The following MPP7 variants were observed in gnomAD, a reference collection of about 807,000 sequenced individuals.
The protein encoded by MPP7 is MAGUK p55 scaffold protein 7, also known as MAGUK p55 subfamily member 7.
Under a neutral mutation model 76.5 loss-of-function variants are expected in MPP7, and 60 were observed. The observed-to-expected ratio is 0.78, with a 90% CI of 0.64 to 0.97. MPP7 has a LOEUF of 0.97. Ranked by LOEUF, MPP7 falls within the 50% of genes least tolerant of loss-of-function variation. MPP7 has a pLI of 0.00. For synonymous variants in MPP7, 237 were observed against 244.5 expected, an observed-to-expected ratio of 0.97 and a Z score of 0.29; for missense variants, 641 against 694.0, an observed-to-expected ratio of 0.92 and a Z score of 0.86.
At chr10:28,121,081 G>A (rs916961633) in intron 8 of MPP7, among the ~76,000 whole-genome samples, 5 of 152,026 alleles carry the variant, frequency 3.3e-5, no homozygotes, top group African/African-American at 1.2e-4. Context: ...AGGCAAGGTG[G>A]CAGGATCACC....
At chr10:28,158,340 A>G (rs897467064) in intron 3 of MPP7, among the ~76,000 whole-genome samples, 9 of 152,198 alleles carry the variant, frequency 5.9e-5, no homozygotes, top group African/African-American at 2.2e-4. Context: ...TGAAATTTAT[A>G]TATGAAATAT....
intron 11 of MPP7, among the ~76,000 whole-genome samples, chr10:28,097,242 A>G (rs1258798103): frequency 1.3e-5 from 2 of 152,128 alleles, no homozygotes; most frequent in Non-Finnish European, 2.9e-5. Flanking sequence ...TCAGCCTCCC[A>G]AAGTACTAGG....
chr10:28,283,945 A>G (rs1840738889), intron 1 of MPP7, among the ~76,000 whole-genome samples: 1 of 152,234 alleles, frequency 6.6e-6, no homozygotes, highest in African/African-American at 2.4e-5. Flanking sequence ...ATAAGACTAA[A>G]TTTAAATACC....
At chr10:28,221,316 AT>A (rs1297736811) in intron 2 of MPP7, among the ~76,000 whole-genome samples, 2 of 152,114 alleles carry the variant, frequency 1.3e-5, no homozygotes, top group East Asian at 1.9e-4. Context: ...AACAGGTGAC[AT>A]TTTTTTTAGC....
intron 5 of MPP7, among the ~76,000 whole-genome samples, chr10:28,134,325 C>T (rs1195238222): frequency 6.6e-6 from 1 of 152,004 alleles, no homozygotes; most frequent in African/African-American, 2.4e-5. Context: ...TGAGATGCCT[C>T]CTCAAGATAT....
chr10:28,332,797 G>T (rs1335433684), intron 1 of MPP7, among the ~76,000 whole-genome samples: 1 of 151,962 alleles, frequency 6.6e-6, no homozygotes, highest in Non-Finnish European at 1.5e-5. Context: ...AAGTAGCTTG[G>T]ACCACAGGCA....
At chr10:28,224,723 A>G (rs1312986562) in intron 2 of MPP7, among the ~76,000 whole-genome samples, 1 of 152,162 alleles carries the variant, frequency 6.6e-6, no homozygotes, top group East Asian at 1.9e-4. Flanking sequence ...GCATCAATGG[A>G]GAAAGTTAAC....
At chr10:28,119,878 T>G (rs1345733501) in intron 10 of MPP7, among the ~76,000 whole-genome samples, 163 bp from the exon 11 acceptor site, 1 of 152,132 alleles carries the variant, frequency 6.6e-6, no homozygotes, top group African/African-American at 2.4e-5. Context: ...CTTTCAAATT[T>G]TTGTAAATTA....
chr10:28,297,214 A>C (rs980241976), intron 1 of MPP7, among the ~76,000 whole-genome samples: 3 of 152,224 alleles, frequency 2.0e-5, no homozygotes, highest in African/African-American at 4.8e-5. Flanking sequence ...GTAGTCTATT[A>C]TGTTGGCAAT....
At chr10:28,127,442 C>A (rs945467453) in intron 6 of MPP7, among the ~76,000 whole-genome samples, 2 of 152,104 alleles carry the variant, frequency 1.3e-5, no homozygotes, top group African/African-American at 2.4e-5. Context: ...TGAGACTGGG[C>A]AATTTATGAA....
At chr10:28,242,790 T>C (rs1006104772) in intron 1 of MPP7, among the ~76,000 whole-genome samples, 1 of 152,112 alleles carries the variant, frequency 6.6e-6, no homozygotes, top group African/African-American at 2.4e-5. Context: ...CTATTCAACA[T>C]TGTGTTCTTC....
chr10:28,212,330 T>C (rs1302671654), intron 2 of MPP7, among the ~76,000 whole-genome samples: 1 of 152,094 alleles, frequency 6.6e-6, no homozygotes, highest in African/African-American at 2.4e-5. Flanking sequence ...AAGAACTTAA[T>C]ATGAATTTCT....
At chr10:28,115,038 T>C (rs1032293359) in intron 11 of MPP7, among the ~76,000 whole-genome samples, 12 of 152,214 alleles carry the variant, frequency 7.9e-5, no homozygotes, top group African/African-American at 1.4e-4. Flanking sequence ...ATCTTCCAGA[T>C]AGTATTAGTA....
intron 13 of MPP7, among the ~76,000 whole-genome samples, chr10:28,062,983 T>C (rs1389953064): frequency 2.6e-5 from 4 of 151,910 alleles, no homozygotes; most frequent in African/African-American, 7.3e-5. Context: ...AAAAGAAAGA[T>C]TGATAAATTA....
At chr10:28,239,598 A>C (rs1364873450) in intron 1 of MPP7, among the ~76,000 whole-genome samples, 1 of 152,250 alleles carries the variant, frequency 6.6e-6, no homozygotes. Flanking sequence ...AAGTAAATCT[A>C]ACAATCCAAG....
At chr10:28,161,860 A>T (rs1836274921) in intron 3 of MPP7, among the ~76,000 whole-genome samples, 1 of 152,198 alleles carries the variant, frequency 6.6e-6, no homozygotes. Flanking sequence ...AATTGTAAAA[A>T]TTGTTATGCC....
chr10:28,105,681 TA>T (rs1183829414), intron 11 of MPP7, among the ~76,000 whole-genome samples: 1 of 152,154 alleles, frequency 6.6e-6, no homozygotes, highest in Non-Finnish European at 1.5e-5. Flanking sequence ...CTAATTTTTG[TA>T]TTTTCAGTAG....
Position 28,089,797 on chromosome 10 carries a change from T to C in MPP7, c.997A>G (p.Thr333Ala), listed in dbSNP as rs972486961. The C allele has an allele frequency of 2.5e-6, 4 of 1,589,176 alleles. No individual in the cohort carries two copies. The highest frequency in any genetic ancestry group is 1.3e-5 in the African/African-American group (1 of 74,392). ...SFRLSRKDKK[T>A]NKSMYECKKS... ...TTGCATTCATACATGGATTTATTTGTTTTCTTATCTTTTCTACTAAGACGA... is the reference window on the plus strand; with the variant it reads ...TTGCATTCATACATGGATTTATTTGCTTTCTTATCTTTTCTACTAAGACGA... The change falls in exon 12 of 17, where the codon ACA (threonine) becomes GCA (alanine). Residue 333 changes from threonine to alanine, a missense_variant. Transcript: ENST00000683449.
At chr10:28,134,525 A>T (rs1458338098) in intron 5 of MPP7, among the ~76,000 whole-genome samples, 1 of 152,148 alleles carries the variant, frequency 6.6e-6, no homozygotes, top group Non-Finnish European at 1.5e-5. Flanking sequence ...AGCTCAATAA[A>T]TGTTTTTTTC....
Sources: gnomAD v4.1 joint callset for allele counts (sites outside exome capture counted in the v4.1 genomes callset) on GRCh38, gnomAD v4.1.1 for gene constraint, MANE v1.5 for transcripts, NCBI Gene and HGNC (gene_info 2026-07-23, HGNC 2026-07-21) for gene names.